PGM1: variants seen among roughly 807,000 people sequenced by gnomAD.
PGM1 encodes phosphoglucomutase 1.
PGM1 carries 52 observed loss-of-function variants against 55.6 expected under a neutral mutation model. That is an observed-to-expected ratio of 0.94 (90% CI 0.75 to 1.18). PGM1 has a LOEUF of 1.18. Ranked by LOEUF, PGM1 falls within the 50% of genes most tolerant of loss-of-function variation. The pLI is 0.00. For missense variants in PGM1, 724 were observed against 729.3 expected (o/e 0.99, Z 0.08); for synonymous variants, 287 against 271.7 (o/e 1.06, Z -0.55).
At chr1:63,618,081 T>C (rs1648787615) in intron 1 of PGM1, among the ~76,000 whole-genome samples, 2 of 152,206 alleles carry the variant, frequency 1.3e-5, no homozygotes, top group Admixed American at 6.5e-5. Context: ...TATCTGTAAA[T>C]TGCTTCATTC....
intron 10 of PGM1, among the ~76,000 whole-genome samples, chr1:63,659,283 A>G (rs1388793603): frequency 1.3e-5 from 2 of 152,162 alleles, no homozygotes; most frequent in African/African-American, 2.4e-5. Flanking sequence ...GGCCATGGAG[A>G]GAGATTTAGC....
chr1:63,616,094 A>G (rs1326793094), intron 1 of PGM1, among the ~76,000 whole-genome samples: 8 of 152,198 alleles, frequency 5.3e-5, no homozygotes, highest in Non-Finnish European at 5.9e-5. Context: ...AAAGAATTTT[A>G]ATAATTGTGC....
At chr1:63,600,813 T>C (rs915567805) in intron 1 of PGM1, among the ~76,000 whole-genome samples, 3 of 152,252 alleles carry the variant, frequency 2.0e-5, no homozygotes, top group African/African-American at 7.2e-5. Flanking sequence ...AAATGTAGCA[T>C]ACATTTTATC....
At chr1:63,599,081 T>C (rs1293820722) in intron 1 of PGM1, among the ~76,000 whole-genome samples, 1 of 152,218 alleles carries the variant, frequency 6.6e-6, no homozygotes, top group African/African-American at 2.4e-5. Flanking sequence ...TCTTGGGTAG[T>C]TGGAGTTAGG....
chr1:63,595,532 T>C (rs1030412254), intron 1 of PGM1, among the ~76,000 whole-genome samples: 2 of 152,354 alleles, frequency 1.3e-5, no homozygotes, highest in East Asian at 1.9e-4. Context: ...TTTGTTTACT[T>C]TGTGGTCCTG....
At chr1:63,613,098 G>A (rs1648611198) in intron 1 of PGM1, among the ~76,000 whole-genome samples, 1 of 151,980 alleles carries the variant, frequency 6.6e-6, no homozygotes, top group Non-Finnish European at 1.5e-5. Context: ...GCTTGTTTGT[G>A]TATATGGAGC....
rs200569660 is a variant in PGM1, at chr1:63,654,328, C to G, written c.1465-4C>G. Reference sequence around the variant, plus strand: ...GGAAAAAAATCTCTGCTTATCTTTTCCAGGGCTTGCGCCTCATTTTCACAG... The same window carrying G: ...GGAAAAAAATCTCTGCTTATCTTTTGCAGGGCTTGCGCCTCATTTTCACAG... On this transcript the variant is annotated splice_region_variant and splice_polypyrimidine_tract_variant and intron_variant, in intron 9 of 10. Transcript: ENST00000371084. 8 of 1,613,862 alleles carry G rather than the reference C, an allele frequency of 5.0e-6. No homozygotes were observed. Among genetic ancestry groups the G allele is most frequent in the Non-Finnish European group, 6.8e-6 (8 of 1,179,802 alleles).
At chr1:63,620,514 T>C (rs1447900055) in intron 1 of PGM1, among the ~76,000 whole-genome samples, 2 of 152,196 alleles carry the variant, frequency 1.3e-5, no homozygotes, top group African/African-American at 4.8e-5. Context: ...GAATTCTTGG[T>C]GTGAAGAGGT....
intron 1 of PGM1, among the ~76,000 whole-genome samples, chr1:63,627,066 C>CA (rs1553119979): frequency 1.3e-4 from 10 of 75,760 alleles, no homozygotes; most frequent in African/African-American, 5.2e-4. Context: ...CCCCCCCCCC[C>CA]ACACACACAC....
intron 1 of PGM1, chr1:63,623,503 A>G (rs762453560): frequency 3.7e-6 from 6 of 1,612,624 alleles, no homozygotes; most frequent in Non-Finnish European, 5.1e-6. Context: ...ATATAGAAAA[A>G]TGGAAGAAGG....
At chr1:63,657,960 C>G (rs531103269) in intron 10 of PGM1, among the ~76,000 whole-genome samples, 1 of 152,304 alleles carries the variant, frequency 6.6e-6, no homozygotes, top group Non-Finnish European at 1.5e-5. Context: ...GTGGTAGATT[C>G]AAAGAGTGAA....
At chr1:63,649,260 C>T (rs1229488550) in intron 8 of PGM1, among the ~76,000 whole-genome samples, 2 of 152,154 alleles carry the variant, frequency 1.3e-5, no homozygotes, top group Admixed American at 6.5e-5. Flanking sequence ...TTACTGTATA[C>T]CCGATTTCCA....
chr1:63,608,528 G>T (rs1373346990), intron 1 of PGM1, among the ~76,000 whole-genome samples: 1 of 152,218 alleles, frequency 6.6e-6, no homozygotes, highest in African/African-American at 2.4e-5. Flanking sequence ...ATGGATCTGG[G>T]ATGGTATAAC....
At chr1:63,594,503 C>T (rs933643726) in intron 1 of PGM1, among the ~76,000 whole-genome samples, 1 of 152,004 alleles carries the variant, frequency 6.6e-6, no homozygotes, top group African/African-American at 2.4e-5. Context: ...GACGCCCTTA[C>T]GCAAGCAAGC....
intron 4 of PGM1, among the ~76,000 whole-genome samples, chr1:63,634,510 T>G (rs777770595): frequency 2.6e-5 from 4 of 152,154 alleles, no homozygotes; most frequent in Non-Finnish European, 5.9e-5. Context: ...CCTTCTGAGC[T>G]TTTCTGAAGG....
At chr1:63,655,488 C>T (rs1186473810) in intron 10 of PGM1, among the ~76,000 whole-genome samples, 1 of 152,112 alleles carries the variant, frequency 6.6e-6, no homozygotes, top group Non-Finnish European at 1.5e-5. Context: ...CAGCCATTCC[C>T]CCAAAAGTCT....
chr1:63,654,364 A>T lies in PGM1; in HGVS notation c.1497A>T (p.Arg499=). Residue 499 remains arginine (R), a synonymous_variant, in exon 10 of 11, where the codon CGA becomes CGT. Coordinates refer to ENST00000371084, the MANE Select transcript of PGM1 (RefSeq NM_002633.3). ...GCCTCATTTTCACAGATGGTTCTCG[A>T]ATCGTCTTCCGACTGAGCGGCACTG... ...GLRLIFTDGS[R]IVFRLSGTGS... 1.9e-6 allele frequency: 3 copies of T among 1,614,092 alleles called. No homozygotes were observed. Among genetic ancestry groups the T allele is most frequent in the Non-Finnish European group, 2.5e-6 (3 of 1,179,930 alleles).
At chr1:63,593,840 C>T (rs1233016103) in intron 1 of PGM1, 106 bp downstream of exon 1, 10 of 1,309,424 alleles carry the variant, frequency 7.6e-6, no homozygotes, top group Middle Eastern at 2.9e-4. Flanking sequence ...CGCGCTGCCG[C>T]CTCGGTTTCC....
intron 1 of PGM1, among the ~76,000 whole-genome samples, chr1:63,626,850 G>A (rs1649030877): frequency 6.6e-6 from 1 of 152,052 alleles, no homozygotes; most frequent in Non-Finnish European, 1.5e-5. Flanking sequence ...GAAAGTCTGT[G>A]TCCATTGAAC....
Sources: gnomAD v4.1 joint callset for allele counts (sites outside exome capture counted in the v4.1 genomes callset) on GRCh38, gnomAD v4.1.1 for gene constraint, MANE v1.5 for transcripts, NCBI Gene and HGNC (gene_info 2026-07-23, HGNC 2026-07-21) for gene names.